Variants in IKBKB observed in about 807,000 individuals in gnomAD.
The protein encoded by IKBKB is inhibitor of nuclear factor kappa B kinase subunit beta, also known as inhibitor of nuclear factor kappa-B kinase subunit beta.
Under a neutral mutation model 113.6 loss-of-function variants are expected in IKBKB, and 42 were observed. The ratio of observed to expected loss-of-function variants is 0.37; its 90% confidence interval spans 0.29 to 0.48. The LOEUF (loss-of-function observed/expected upper bound fraction) is 0.48, where lower values mean the gene tolerates loss of function less well. Ranked by LOEUF, IKBKB falls within the 20% of genes least tolerant of loss-of-function variation. The pLI is 0.99. For synonymous variants in IKBKB, 296 were observed against 361.3 expected (o/e 0.82, Z 2.05); for missense variants, 673 against 939.7 (o/e 0.72, Z 3.71).
At chr8:42,288,566 A>G (rs1811907297) in intron 2 of IKBKB, 68 bp from the exon 3 acceptor site, 1 of 1,239,698 alleles carries the variant, frequency 8.1e-7, no homozygotes, top group Admixed American at 2.0e-5. Flanking sequence ...GACCCCTCCC[A>G]TGCAGCAGAC....
chr8:42,276,001 C>T (rs182488830), intron 2 of IKBKB, among the ~76,000 whole-genome samples: 5 of 152,198 alleles, frequency 3.3e-5, no homozygotes, highest in African/African-American at 7.2e-5. Context: ...CCACCATACC[C>T]GGCTAATTTT....
intron 11 of IKBKB, 84 bp from the exon 12 acceptor site, chr8:42,317,573 G>A: frequency 1.1e-6 from 1 of 894,158 alleles, no homozygotes; most frequent in South Asian, 1.4e-5. Flanking sequence ...TGAACAGTGG[G>A]GAAAGCTGTG....
chr8:42,282,336 G>A (rs1001716562), intron 2 of IKBKB, among the ~76,000 whole-genome samples: 1 of 152,126 alleles, frequency 6.6e-6, no homozygotes, highest in Non-Finnish European at 1.5e-5. Context: ...CCAAGTAGCT[G>A]GGACTACAGG....
At chr8:42,299,632 C>T (rs1814724484) in intron 5 of IKBKB, among the ~76,000 whole-genome samples, 1 of 152,158 alleles carries the variant, frequency 6.6e-6, no homozygotes, top group Non-Finnish European at 1.5e-5. Flanking sequence ...TCCTCGGAAC[C>T]CACCTGCCAA....
intron 2 of IKBKB, among the ~76,000 whole-genome samples, chr8:42,275,926 C>T (rs779970951): frequency 3.4e-4 from 52 of 152,116 alleles, no homozygotes; most frequent in Admixed American, 1.0e-3. Flanking sequence ...ACTGCAACCT[C>T]CGCCTCCCGG....
chr8:42,295,777 A>G (rs1219593888), intron 5 of IKBKB, among the ~76,000 whole-genome samples: 1 of 151,664 alleles, frequency 6.6e-6, no homozygotes, highest in African/African-American at 2.4e-5. Context: ...GCTTCCTCAT[A>G]TGGTTGTTTA....
At chr8:42,297,029 T>G (rs1814010045) in intron 5 of IKBKB, among the ~76,000 whole-genome samples, 1 of 152,216 alleles carries the variant, frequency 6.6e-6, no homozygotes, top group Non-Finnish European at 1.5e-5. Flanking sequence ...CTTTAGGGCA[T>G]GACCTGAGGC....
In IKBKB at chr8:42,305,175, C is replaced by G. The variant is rs770472852; in HGVS notation, c.389-12C>G. The G allele has an allele frequency of 7.5e-6, 12 of 1,604,392 alleles. No individual in the cohort carries two copies. Among genetic ancestry groups the G allele is most frequent in the Admixed American group, 1.7e-5 (1 of 59,894 alleles). ...TTTAGGCCTAAGAAAAACTCACCCC[C>G]CTCTTCCTCAGCCTCTGCGCTTAGA... On this transcript the variant is annotated splice_polypyrimidine_tract_variant and intron_variant, in intron 5 of 21. Coordinates refer to ENST00000520810, the MANE Select transcript of IKBKB (RefSeq NM_001556.3).
intron 5 of IKBKB, among the ~76,000 whole-genome samples, chr8:42,297,915 T>C: frequency 6.6e-6 from 1 of 151,072 alleles, no homozygotes. Flanking sequence ...GAAAAAAGAA[T>C]GAGCAGCTGC....
chr8:42,293,329 A>G (rs1813044437), intron 4 of IKBKB, 114 bp from the exon 5 acceptor site: 1 of 1,330,306 alleles, frequency 7.5e-7, no homozygotes. Flanking sequence ...CAGGTCCCCT[A>G]AAGACCAGGG....
At chr8:42,321,763 A>G (rs1585794761) in intron 16 of IKBKB, 133 bp from the exon 17 acceptor site, 1 of 633,072 alleles carries the variant, frequency 1.6e-6, no homozygotes, top group East Asian at 2.8e-5. Flanking sequence ...TGCCAAGGCA[A>G]GAAGATTGCT....
At chr8:42,325,671 C>G (rs560369100) in intron 19 of IKBKB, 2 of 1,135,594 alleles carry the variant, frequency 1.8e-6, no homozygotes, top group African/African-American at 1.6e-5. Flanking sequence ...GAGCAAGACT[C>G]TCAATCATAA....
chr8:42,293,378 A>G, intron 4 of IKBKB, 65 bp from the exon 5 acceptor site: 1 of 1,602,428 alleles, frequency 6.2e-7, no homozygotes, highest in East Asian at 2.2e-5. Flanking sequence ...CTGGTAAGAG[A>G]CATGTGTGGA....
chr8:42,283,245 T>C (rs764623081), intron 2 of IKBKB, among the ~76,000 whole-genome samples: 2 of 152,142 alleles, frequency 1.3e-5, no homozygotes, highest in Non-Finnish European at 2.9e-5. Flanking sequence ...AGTCATCTAA[T>C]CTATTTTTTG....
chr8:42,279,788 A>G (rs1489960322), intron 2 of IKBKB, among the ~76,000 whole-genome samples: 1 of 152,168 alleles, frequency 6.6e-6, no homozygotes, highest in Non-Finnish European at 1.5e-5. Context: ...TTAGGCTCTC[A>G]TTGTTCACCA....
intron 16 of IKBKB, 106 bp downstream of exon 16, chr8:42,320,950 C>T: frequency 1.6e-6 from 1 of 608,226 alleles, no homozygotes; most frequent in Non-Finnish European, 2.8e-6. Context: ...GGACCATTCT[C>T]TAGAGCATGC....
chr8:42,282,721 G>A (rs1030125615), intron 2 of IKBKB, among the ~76,000 whole-genome samples: 1 of 152,198 alleles, frequency 6.6e-6, no homozygotes, highest in Non-Finnish European at 1.5e-5. Flanking sequence ...ACCGGTGATC[G>A]TAGCCTGCTT....
At chr8:42,298,661 A>G (rs1241460313) in intron 5 of IKBKB, among the ~76,000 whole-genome samples, 1 of 152,216 alleles carries the variant, frequency 6.6e-6, no homozygotes, top group Non-Finnish European at 1.5e-5. Flanking sequence ...GCCCTCAGTC[A>G]TGGCTCCACC....
In IKBKB at chr8:42,316,384, C is replaced by T. The variant is rs199646875; in HGVS notation, c.930+45C>T. ...AGCCCTGAGGCAAAAGCTGGGGTCCCCAGTGGAACATGCAGTTCTTAGGAC... is the reference window on the plus strand; with the variant it reads ...AGCCCTGAGGCAAAAGCTGGGGTCCTCAGTGGAACATGCAGTTCTTAGGAC... On this transcript the variant is annotated intron_variant, in intron 10 of 21. Coordinates refer to ENST00000520810, the MANE Select transcript of IKBKB (RefSeq NM_001556.3). This position sits in a 1 kb window ranked among gnomAD's most constrained non-coding sequence, Gnocchi z 4.5. 53 of 1,611,648 alleles carry T rather than the reference C, an allele frequency of 3.3e-5. 1 individual carries two copies. In the Middle Eastern group the frequency reaches 1.7e-3, roughly 50 times the overall value.
Sources: allele counts gnomAD v4.1 joint callset (sites outside exome capture counted in the v4.1 genomes callset), GRCh38; gene constraint gnomAD v4.1.1; non-coding constraint Gnocchi (gnomAD v3.1); transcripts MANE v1.5; gene names NCBI Gene and HGNC (gene_info 2026-07-23, HGNC 2026-07-21).